The following EPHB1 variants were observed in gnomAD, a reference collection of about 807,000 sequenced individuals.
EPHB1 encodes EPH receptor B1, also known as ephrin type-B receptor 1.
In EPHB1, 30 loss-of-function variants were observed where a neutral mutation model predicts 94.4. That is an observed-to-expected ratio of 0.32 (90% CI 0.24 to 0.43). The LOEUF is 0.43. Ranked by LOEUF, EPHB1 falls within the 20% of genes least tolerant of loss-of-function variation. The probability of loss-of-function intolerance (pLI) is 1.00; values close to 1 mark genes in which losing one functional copy is unlikely to be tolerated. For missense variants in EPHB1, 1,055 were observed against 1,308.3 expected (o/e 0.81, Z 2.99); for synonymous variants, 522 against 489.1 (o/e 1.07, Z -0.89).
chr3:135,043,425 G>A (rs1576340944), intron 3 of EPHB1, among the ~76,000 whole-genome samples: 2 of 152,096 alleles, frequency 1.3e-5, no homozygotes, highest in East Asian at 3.9e-4. Context: ...CTCAATTTCA[G>A]AGTGAGAAGC....
rs112301465 is a variant in EPHB1, at chr3:135,165,817, T to C, written c.1586-151T>C. 4.0e-4 allele frequency: 201 copies of C among 506,354 alleles called. 2 individuals are homozygous for C. Among genetic ancestry groups the C allele is most frequent in the African/African-American group, 3.6e-3 (189 of 52,908 alleles). 31.4% of individuals were successfully genotyped at this position (506,354 alleles called of 1,614,324 possible). A position where few individuals can be genotyped will look rare whatever the true frequency, so the allele number is the denominator to read the frequency against. On this transcript the variant is annotated intron_variant, in intron 7 of 15. Transcript: ENST00000398015. ...TGTTTATTTATAACTTAAAAATTGCTGTTTGTTTTGGTTAGACTTACAACT... is the reference window on the plus strand; with the variant it reads ...TGTTTATTTATAACTTAAAAATTGCCGTTTGTTTTGGTTAGACTTACAACT...
At chr3:135,132,677 T>A in intron 4 of EPHB1, 37 bp from the exon 5 acceptor site, 1 of 1,527,066 alleles carries the variant, frequency 6.5e-7, no homozygotes, top group Non-Finnish European at 8.9e-7. Context: ...AGGAAGCTTA[T>A]GTCTAGCCTC....
At chr3:134,991,650 C>T (rs35659794) in intron 3 of EPHB1, among the ~76,000 whole-genome samples, 45,503 of 152,080 alleles carry the variant, frequency 0.3, 7,287 homozygotes, top group Middle Eastern at 0.48. Context: ...CCAGTGCAAA[C>T]ACTCTCCCCT....
intron 3 of EPHB1, among the ~76,000 whole-genome samples, chr3:135,050,768 G>C (rs9877988): frequency 3.3e-5 from 5 of 152,092 alleles, no homozygotes; most frequent in African/African-American, 1.2e-4. Flanking sequence ...ATGCTCTCTT[G>C]CTTCCTCTCT....
chr3:134,882,770 C>CTTTCTTT (rs1453449652), intron 1 of EPHB1, among the ~76,000 whole-genome samples: 454 of 42,544 alleles, frequency 0.011, 19 homozygotes, highest in Admixed American at 0.042. Context: ...TCCTTCCTTT[C>CTTTCTTT]TTTCTTTCTT....
At position 135,191,385 on chromosome 3, in the gene EPHB1, A is replaced by G. The variant is rs560370633; in HGVS notation, c.1883-1191A>G. On this transcript the variant is annotated intron_variant, in intron 10 of 15. Coordinates refer to ENST00000398015, the MANE Select transcript of EPHB1 (RefSeq NM_004441.5). ...AGCAAGAAAACAAAAGGAACTCCCA[A>G]ATGAATCACAGGAGCAATGTTAACT... 2.0e-5 allele frequency among the ~76,000 whole-genome samples: 3 copies of G among 152,330 alleles called. No individual in the cohort carries two copies. In the South Asian group the frequency reaches 6.2e-4, roughly 32 times the overall value.
rs1276726664 is a variant in EPHB1 at position 135,255,855 on chromosome 3, G to T, written c.2847-3157G>T. 2.8e-5 allele frequency among the ~76,000 whole-genome samples: 4 copies of T among 143,500 alleles called. No individual in the cohort carries two copies. The East Asian group carries it at 8.2e-4, about 30-fold the overall frequency. 94.1% of individuals were successfully genotyped at this position (143,500 alleles called of 152,430 possible). A position where few individuals can be genotyped will look rare whatever the true frequency, so the allele number is the denominator to read the frequency against. On this transcript the variant is annotated intron_variant, in intron 15 of 15. Transcript: ENST00000398015. ...CCATTATTAATGTGTGGGAGTCTAA[G>T]TCTCTTTGTAGGTCACTCAGGACTT...
chr3:134,940,709 T>C (rs9874260), intron 2 of EPHB1, among the ~76,000 whole-genome samples: 48,299 of 152,160 alleles, frequency 0.32, 7,982 homozygotes, highest in Middle Eastern at 0.5. Context: ...GCTGTCACTC[T>C]ATTTCCTTTC....
At chr3:135,231,285 A>G (rs1445528668) in intron 12 of EPHB1, among the ~76,000 whole-genome samples, 1 of 152,168 alleles carries the variant, frequency 6.6e-6, no homozygotes, top group Non-Finnish European at 1.5e-5. Flanking sequence ...TGGCCATCAG[A>G]GGCTGTTTTG....
chr3:134,883,163 G>C (rs1342813704), intron 1 of EPHB1, among the ~76,000 whole-genome samples: 1 of 152,112 alleles, frequency 6.6e-6, no homozygotes, highest in Admixed American at 6.6e-5. Context: ...AATATGAAAG[G>C]TCCCTTGCTT....
At chr3:134,862,181 C>T (rs1052339203) in intron 1 of EPHB1, among the ~76,000 whole-genome samples, 4 of 152,084 alleles carry the variant, frequency 2.6e-5, no homozygotes, top group Admixed American at 6.5e-5. Context: ...GAGTATCTAG[C>T]GCTGGGCTCA....
At chr3:134,944,726 CT>C (rs1212111888) in intron 2 of EPHB1, among the ~76,000 whole-genome samples, 6 of 151,984 alleles carry the variant, frequency 3.9e-5, no homozygotes, top group Non-Finnish European at 7.4e-5. Flanking sequence ...GTGGTGGTGG[CT>C]GCAGTTGATA....
chr3:134,971,944 G>T lies in EPHB1; in HGVS notation c.805+19892G>T, dbSNP rs191691268. Among the ~76,000 whole-genome samples the T allele has an allele frequency of 1.1e-4, 16 of 152,304 alleles. No homozygotes were observed. The East Asian group carries it at 3.1e-3, about 29-fold the overall frequency. On this transcript the variant is annotated intron_variant, in intron 3 of 15. Transcript: ENST00000398015. Reference sequence around the variant, plus strand: ...ATTTTTAGTCATCAGACCTGTGAGGGTGAGAGGAACTTAACTTGTAATATT... The same window carrying T: ...ATTTTTAGTCATCAGACCTGTGAGGTTGAGAGGAACTTAACTTGTAATATT...
intron 13 of EPHB1, among the ~76,000 whole-genome samples, chr3:135,243,625 T>C (rs576120557): frequency 6.6e-6 from 1 of 152,262 alleles, no homozygotes; most frequent in South Asian, 2.1e-4. Context: ...CAGGAGGGGC[T>C]CCCAGCTGCC....
intron 1 of EPHB1, among the ~76,000 whole-genome samples, chr3:134,811,242 G>GTTTTTTT (rs397966930): frequency 0.055 from 4,038 of 73,472 alleles, 1,041 homozygotes; most frequent in South Asian, 0.16. Flanking sequence ...TACTAAGAAG[G>GTTTTTTT]TTTTTTTTTT....
In EPHB1 at chr3:135,005,077, C is replaced by T. The variant is rs4608732; in HGVS notation, c.805+53025C>T. 4.5e-3 allele frequency among the ~76,000 whole-genome samples: 689 copies of T among 152,312 alleles called. 4 individuals carry two copies. The highest frequency in any genetic ancestry group is 8.3e-3 in the Non-Finnish European group (567 of 68,036). On this transcript the variant is annotated intron_variant, in intron 3 of 15. Transcript: ENST00000398015. ...CATTTTTTCTGTTCTGTTTTTTCCC[C>T]ATCTTTGTGGTTTTATCCACTTTTG... is the stretch of plus-strand genomic sequence containing the variant.
intron 1 of EPHB1, among the ~76,000 whole-genome samples, chr3:134,857,504 A>G (rs1003791774): frequency 9.2e-5 from 14 of 152,056 alleles, no homozygotes; most frequent in African/African-American, 3.1e-4. Flanking sequence ...ACTCCAGTCC[A>G]CTCAATAGCT....
intron 12 of EPHB1, among the ~76,000 whole-genome samples, chr3:135,235,011 C>T (rs982097929): frequency 6.6e-6 from 1 of 152,220 alleles, no homozygotes; most frequent in Non-Finnish European, 1.5e-5. Flanking sequence ...CCCCTCTTCT[C>T]TCCATACCTG....
rs1250746262 is a variant in EPHB1, at chr3:135,055,724, A to ATG, written c.806-50723_806-50722dup. Among the ~76,000 whole-genome samples the ATG allele has an allele frequency of 7.0e-4, 106 of 152,190 alleles. 1 individual carries two copies. In the South Asian group the frequency reaches 0.021, roughly 30 times the overall value. ...TCACACCCGGGGTTGTTGTGGGAGG[A>ATG]TGAACAGGGTCACACGTGTCAAGTC... On this transcript the variant is annotated intron_variant, in intron 3 of 15. Coordinates refer to ENST00000398015, the MANE Select transcript of EPHB1 (RefSeq NM_004441.5).
Sources: gnomAD v4.1 joint callset for allele counts (sites outside exome capture counted in the v4.1 genomes callset) on GRCh38, gnomAD v4.1.1 for gene constraint, MANE v1.5 for transcripts, NCBI Gene and HGNC (gene_info 2026-07-23, HGNC 2026-07-21) for gene names.